The following TMEM87B variants were observed in gnomAD, a reference collection of about 807,000 sequenced individuals.
TMEM87B encodes transmembrane protein 87B.
A neutral mutation model predicts 80.3 loss-of-function variants in TMEM87B; 83 were observed. The ratio of observed to expected loss-of-function variants is 1.03; its 90% CI spans 0.87 to 1.24. TMEM87B has a LOEUF of 1.24. TMEM87B is among the 50% of genes most tolerant of loss of function. TMEM87B has a pLI of 0.00. For synonymous variants in TMEM87B, 219 were observed against 230.5 expected (o/e 0.95, Z 0.45); for missense variants, 625 against 674.4 (o/e 0.93, Z 0.81).
intron 8 of TMEM87B, among the ~76,000 whole-genome samples, chr2:112,084,524 A>G (rs914226765): frequency 2.6e-5 from 4 of 152,186 alleles, no homozygotes; most frequent in African/African-American, 9.7e-5. Flanking sequence ...GCTGCATGAT[A>G]CTGCCAGGAG....
At chr2:112,097,613 T>C (rs2104494779) in intron 13 of TMEM87B, among the ~76,000 whole-genome samples, 1 of 146,314 alleles carries the variant, frequency 6.8e-6, no homozygotes, top group Admixed American at 7.2e-5. Context: ...CTGGGGAGGC[T>C]GAGGCAGGAG....
intron 4 of TMEM87B, among the ~76,000 whole-genome samples, chr2:112,071,193 T>C (rs1469004463): frequency 6.6e-6 from 1 of 152,062 alleles, no homozygotes; most frequent in Non-Finnish European, 1.5e-5. Context: ...GTAATTCTCA[T>C]TGTAGAGTTC....
chr2:112,093,004 T>C (rs2067928), intron 11 of TMEM87B, among the ~76,000 whole-genome samples: 28,842 of 152,230 alleles, frequency 0.19, 3,782 homozygotes, highest in East Asian at 0.71. Flanking sequence ...TTGATACTTA[T>C]GTCTTTTAGC....
At position 112,097,154 on chromosome 2, in the gene TMEM87B, T is replaced by C. The variant is rs1334541302; in HGVS notation, c.1213+2T>C. On this transcript the variant is annotated splice_donor_variant, in intron 12 of 18. Transcript: ENST00000283206. LOFTEE classifies it high-confidence loss of function. Reference sequence around the variant, plus strand: ...ATACTCTGATCTTTGCTGTGCTGGGTAAGCTATTTAATTTTTCTTACAGTA... The same window carrying C: ...ATACTCTGATCTTTGCTGTGCTGGGCAAGCTATTTAATTTTTCTTACAGTA... The C allele has an allele frequency of 1.3e-6, 2 of 1,593,984 alleles. No homozygotes were observed. The highest frequency in any genetic ancestry group is 3.7e-5 in the Admixed American group (2 of 54,546).
chr2:112,086,284 A>G (rs1026146190), intron 9 of TMEM87B, among the ~76,000 whole-genome samples, 180 bp downstream of exon 9: 2 of 152,264 alleles, frequency 1.3e-5, no homozygotes, highest in East Asian at 1.9e-4. Context: ...TTATCTTCCA[A>G]TAAAGACCCT....
intron 4 of TMEM87B, among the ~76,000 whole-genome samples, chr2:112,072,650 C>A (rs950718388): frequency 6.6e-6 from 1 of 152,004 alleles, no homozygotes; most frequent in Non-Finnish European, 1.5e-5. Flanking sequence ...TTTATTGGAT[C>A]CTCTGTCTTT....
intron 16 of TMEM87B, among the ~76,000 whole-genome samples, chr2:112,107,009 C>T (rs1432379698): frequency 1.3e-5 from 2 of 152,126 alleles, no homozygotes; most frequent in African/African-American, 2.4e-5. Flanking sequence ...TTTCTTGCCT[C>T]CTGTAGGGAG....
At chr2:112,095,937 C>G (rs763601992) in intron 11 of TMEM87B, among the ~76,000 whole-genome samples, 6 of 151,810 alleles carry the variant, frequency 4.0e-5, no homozygotes, top group African/African-American at 1.2e-4. Context: ...CTTCTTTTTG[C>G]TTCTTCATCC....
chr2:112,119,044 AC>A lies in TMEM87B; in HGVS notation c.*2902del, dbSNP rs1402859911. 6.6e-6 allele frequency: 1 copy of A among 152,208 alleles called. No homozygotes were observed. Among genetic ancestry groups the A allele is most frequent in the Non-Finnish European group, 1.5e-5 (1 of 68,018 alleles). The allele number at this position is 152,208 out of a possible 1,614,324, so 9.4% of individuals were successfully genotyped here. A position where few individuals can be genotyped will look rare whatever the true frequency, so the allele number is the denominator to read the frequency against. On this transcript the variant is annotated 3_prime_UTR_variant, in exon 19 of 19. Coordinates refer to ENST00000283206, the MANE Select transcript of TMEM87B (RefSeq NM_032824.3). ...ATATTGAATGTATATAAGTGGCAAA[AC>A]TAGATTTTTAAGGAAGTGTACATTA...
At chr2:112,082,683 C>T (rs1024589710) in intron 8 of TMEM87B, among the ~76,000 whole-genome samples, 19 of 151,530 alleles carry the variant, frequency 1.3e-4, no homozygotes, top group Non-Finnish European at 2.4e-4. Context: ...TGTGCGTGTG[C>T]GTGTGCGTGC....
intron 2 of TMEM87B, among the ~76,000 whole-genome samples, chr2:112,060,946 A>G (rs1403259273): frequency 2.6e-5 from 4 of 152,208 alleles, no homozygotes. Flanking sequence ...TTTTTTGTGA[A>G]ATTTAACTTT....
rs1205811486 is a variant in TMEM87B at position 112,117,012 on chromosome 2, AT to A, written c.*870del. Reference sequence around the variant, plus strand: ...ACTGTATCTTTTACATAATCTTGGCATATTACATTTCATAATAAAAACATAC... The same window carrying A: ...ACTGTATCTTTTACATAATCTTGGCAATTACATTTCATAATAAAAACATAC... On this transcript the variant is annotated 3_prime_UTR_variant, in exon 19 of 19. Transcript: ENST00000283206. 6.6e-6 allele frequency: 1 copy of A among 152,496 alleles called. No homozygotes were observed. The highest frequency in any genetic ancestry group is 1.5e-5 in the Non-Finnish European group (1 of 68,038). 9.4% of individuals were successfully genotyped at this position (152,496 alleles called of 1,614,324 possible). A position where few individuals can be genotyped will look rare whatever the true frequency, so the allele number is the denominator to read the frequency against.
chr2:112,099,130 T>G (rs756859424), intron 14 of TMEM87B, among the ~76,000 whole-genome samples: 8 of 152,154 alleles, frequency 5.3e-5, no homozygotes, highest in Admixed American at 2.6e-4. Context: ...GAGTGTCAAG[T>G]TCAGAAAGTT....
chr2:112,099,302 C>T (rs1479884139), intron 14 of TMEM87B, among the ~76,000 whole-genome samples: 1 of 152,158 alleles, frequency 6.6e-6, no homozygotes, highest in Middle Eastern at 3.4e-3. Flanking sequence ...AAATCCAAAA[C>T]TTTTTGAGCA....
chr2:112,071,591 G>A (rs970285172), intron 4 of TMEM87B, among the ~76,000 whole-genome samples: 4 of 152,160 alleles, frequency 2.6e-5, no homozygotes, highest in Non-Finnish European at 5.9e-5. Context: ...ACAGGAGTGA[G>A]CCACCACGCC....
At position 112,055,640 on chromosome 2, in the gene TMEM87B, C is replaced by G. The variant is rs764554562; in HGVS notation, c.49C>G (p.Arg17Gly). ...AGCCGGGCTCCTGCCACGCCGCCGC[C>G]GCTGCTTTCCCGCCCGGGCCCCGCT... ...SVAGLLPRRR[R>G]CFPARAPLLR... The change falls in exon 1 of 19, where the codon CGC (arginine) becomes GGC (glycine). Residue 17 changes from arginine (R) to glycine (G), a missense_variant. Transcript: ENST00000283206. 1 of 1,559,110 alleles carries G rather than the reference C, an allele frequency of 6.4e-7. No individual in the cohort carries two copies. The highest frequency in any genetic ancestry group is 2.5e-5 in the East Asian group (1 of 40,386).
intron 1 of TMEM87B, among the ~76,000 whole-genome samples, chr2:112,057,402 C>T (rs763955388): frequency 5.9e-5 from 9 of 152,124 alleles, no homozygotes; most frequent in Admixed American, 5.9e-4. Flanking sequence ...CAGTCTCCTG[C>T]GTAGCGAAGA....
intron 4 of TMEM87B, among the ~76,000 whole-genome samples, chr2:112,070,995 G>T (rs1678609023): frequency 6.7e-6 from 1 of 150,148 alleles, no homozygotes; most frequent in Non-Finnish European, 1.5e-5. Flanking sequence ...CTAATTTTTT[G>T]TATTTTTTTT....
At chr2:112,089,780 G>A in intron 10 of TMEM87B, 62 bp downstream of exon 10, 1 of 1,484,166 alleles carries the variant, frequency 6.7e-7, no homozygotes, top group Non-Finnish European at 9.4e-7. Context: ...GTTTTACTTT[G>A]TATCTCCTGA....
Sources: allele counts gnomAD v4.1 joint callset (sites outside exome capture counted in the v4.1 genomes callset), GRCh38; gene constraint gnomAD v4.1.1; transcripts MANE v1.5; gene names NCBI Gene and HGNC (gene_info 2026-07-23, HGNC 2026-07-21).